Variants in ROPN1L observed in about 807,000 individuals in gnomAD.
The protein encoded by ROPN1L is ropporin-1-like protein.
Under a neutral mutation model 22.7 loss-of-function variants are expected in ROPN1L, and 23 were observed. That is an observed-to-expected ratio of 1.01 (90% CI 0.73 to 1.43). ROPN1L has a LOEUF of 1.43. Ranked by LOEUF, ROPN1L falls within the 40% of genes most tolerant of loss-of-function variation. The pLI is 0.00. For missense variants in ROPN1L, 271 were observed against 291.5 expected, an observed-to-expected ratio of 0.93 and a Z score of 0.51; for synonymous variants, 116 against 117.8, an observed-to-expected ratio of 0.98 and a Z score of 0.10.
intron 4 of ROPN1L, among the ~76,000 whole-genome samples, chr5:10,462,622 G>A (rs1324002410): frequency 6.6e-6 from 1 of 152,142 alleles, no homozygotes; most frequent in Non-Finnish European, 1.5e-5. Context: ...GGCTGGGCAC[G>A]GTGCCTCACG....
At chr5:10,446,907 T>G (rs1741086536) in intron 1 of ROPN1L, among the ~76,000 whole-genome samples, 1 of 152,200 alleles carries the variant, frequency 6.6e-6, no homozygotes, top group African/African-American at 2.4e-5. Flanking sequence ...GGTCTTTAGG[T>G]TCACATTTGT....
intron 2 of ROPN1L, 45 bp from the exon 3 acceptor site, chr5:10,449,907 G>C: frequency 6.5e-7 from 1 of 1,546,730 alleles, no homozygotes. Context: ...TTGTTTCCCA[G>C]GTTTTAAAAC....
intron 1 of ROPN1L, among the ~76,000 whole-genome samples, chr5:10,445,132 A>T (rs1331837101): frequency 6.6e-6 from 1 of 151,856 alleles, no homozygotes; most frequent in African/African-American, 2.4e-5. Context: ...CACCACGCCC[A>T]GCTAATTTTT....
At chr5:10,465,096 A>G, downstream of ROPN1L, 1 of 465,830 alleles carries the variant, frequency 2.1e-6, no homozygotes. Flanking sequence ...CTGATTCATG[A>G]TTGCTTTTCA....
chr5:10,448,043 G>A (rs1184761551), intron 1 of ROPN1L, among the ~76,000 whole-genome samples: 1 of 152,192 alleles, frequency 6.6e-6, no homozygotes, highest in Non-Finnish European at 1.5e-5. Flanking sequence ...CTCCAACAGG[G>A]AGTCTCATTA....
chr5:10,453,353 G>T (rs1293603308), intron 3 of ROPN1L, among the ~76,000 whole-genome samples: 3 of 152,122 alleles, frequency 2.0e-5, no homozygotes, highest in Non-Finnish European at 2.9e-5. Flanking sequence ...GGAGGTGCTC[G>T]GACCCTCCAG....
At chr5:10,442,645 G>A (rs773881519) in intron 1 of ROPN1L, among the ~76,000 whole-genome samples, 13 of 152,202 alleles carry the variant, frequency 8.5e-5, no homozygotes, top group Non-Finnish European at 1.8e-4. Flanking sequence ...AAATTACACG[G>A]TTGCAGTCAC....
chr5:10,450,792 CCG>C, intron 3 of ROPN1L, among the ~76,000 whole-genome samples: 1 of 152,368 alleles, frequency 6.6e-6, no homozygotes, highest in East Asian at 1.9e-4. Flanking sequence ...GCGTGAGCCA[CCG>C]CGCCGGCCTT....
intron 3 of ROPN1L, among the ~76,000 whole-genome samples, chr5:10,456,960 GT>G (rs1355589654): frequency 2.0e-5 from 3 of 152,190 alleles, no homozygotes; most frequent in Non-Finnish European, 2.9e-5. Flanking sequence ...CCTGCACACG[GT>G]GGTGACGGAC....
chr5:10,459,016 C>T lies in ROPN1L; in HGVS notation c.418-2168C>T, dbSNP rs79860208. Among the ~76,000 whole-genome samples, 1,129 of 148,394 alleles carry T rather than the reference C, an allele frequency of 7.6e-3. 4 individuals carry two copies. Among genetic ancestry groups the T allele is most frequent in the Non-Finnish European group, 0.012 (786 of 66,844 alleles). ...CATCTCGCCCATGCTCCCAAGTCTCCTCCGTGAGCGCTAGGCCTACTAAGT... is the reference window on the plus strand; with the variant it reads ...CATCTCGCCCATGCTCCCAAGTCTCTTCCGTGAGCGCTAGGCCTACTAAGT... On this transcript the variant is annotated intron_variant, in intron 3 of 4. Transcript: ENST00000274134.
At chr5:10,449,588 G>A (rs959842965) in intron 2 of ROPN1L, among the ~76,000 whole-genome samples, 6 of 152,116 alleles carry the variant, frequency 3.9e-5, no homozygotes, top group African/African-American at 1.4e-4. Context: ...CTATCTAACT[G>A]TTAATGTGAT....
At chr5:10,445,533 G>A (rs1741030155) in intron 1 of ROPN1L, among the ~76,000 whole-genome samples, 1 of 152,128 alleles carries the variant, frequency 6.6e-6, no homozygotes, top group African/African-American at 2.4e-5. Flanking sequence ...ATTCCAGGAA[G>A]AGGAAGCAGC....
chr5:10,459,651 C>T (rs554091342), intron 3 of ROPN1L, among the ~76,000 whole-genome samples: 1 of 152,282 alleles, frequency 6.6e-6, no homozygotes, highest in South Asian at 2.1e-4. Context: ...ATTCTCCCAG[C>T]ATCCCACATG....
At chr5:10,469,857 G>C (rs182825187), downstream of ROPN1L, among the ~76,000 whole-genome samples, 1 of 152,258 alleles carries the variant, frequency 6.6e-6, no homozygotes, top group Admixed American at 6.5e-5. Flanking sequence ...GCATGGTGGA[G>C]TTCTGAGGTG....
At chr5:10,462,585 T>C (rs192339128) in intron 4 of ROPN1L, among the ~76,000 whole-genome samples, 9 of 152,308 alleles carry the variant, frequency 5.9e-5, no homozygotes, top group African/African-American at 2.2e-4. Flanking sequence ...TGGTACTAAA[T>C]TGTAGCATGT....
At chr5:10,454,580 C>T (rs1561172185) in intron 3 of ROPN1L, among the ~76,000 whole-genome samples, 2 of 151,980 alleles carry the variant, frequency 1.3e-5, no homozygotes, top group Non-Finnish European at 2.9e-5. Context: ...CTGACACTGA[C>T]AGAGTCAGTC....
chr5:10,462,332 C>T (rs768255723), intron 4 of ROPN1L, among the ~76,000 whole-genome samples: 5 of 152,166 alleles, frequency 3.3e-5, no homozygotes, highest in Non-Finnish European at 4.4e-5. Context: ...CAACGAATCC[C>T]GTGTTTGGCA....
intron 3 of ROPN1L, among the ~76,000 whole-genome samples, chr5:10,460,378 G>A (rs1054989492): frequency 2.6e-5 from 4 of 152,232 alleles, no homozygotes; most frequent in East Asian, 3.8e-4. Flanking sequence ...CAGTTCCAGC[G>A]CCATGCAGCC....
chr5:10,465,304 G>A (rs2962313), downstream of ROPN1L, among the ~76,000 whole-genome samples: 137,890 of 152,200 alleles, frequency 0.91, 62,564 homozygotes, highest in East Asian at 1. Context: ...TTACGAGGTC[G>A]GGAGATCGAG....
Sources: gnomAD v4.1 joint callset for allele counts (sites outside exome capture counted in the v4.1 genomes callset) on GRCh38, gnomAD v4.1.1 for gene constraint, MANE v1.5 for transcripts, NCBI Gene and HGNC (gene_info 2026-07-23, HGNC 2026-07-21) for gene names.